JMJD1C: variants seen among roughly 807,000 people sequenced by gnomAD.
JMJD1C encodes the protein jumonji domain-containing protein 1C.
JMJD1C carries 31 observed loss-of-function variants against 245.3 expected under a neutral mutation model. That is an observed-to-expected ratio of 0.13 (90% CI 0.09 to 0.17). The LOEUF is 0.17. Among genes scored for constraint, JMJD1C ranks in the 10% least tolerant of loss-of-function variants. The pLI is 1.00. For synonymous variants in JMJD1C, 1,057 were observed against 1,017.4 expected (o/e 1.04, Z -0.74); for missense variants, 2,691 against 3,000.2 (o/e 0.90, Z 2.41).
chr10:63,220,543 A>G (rs1167852020), intron 3 of JMJD1C, among the ~76,000 whole-genome samples: 1 of 152,218 alleles, frequency 6.6e-6, no homozygotes, highest in Non-Finnish European at 1.5e-5. Context: ...AAGCATCCAG[A>G]CAATTAAAAT....
chr10:63,177,631 A>G, intron 23 of JMJD1C, 86 bp downstream of exon 23: 2 of 1,396,910 alleles, frequency 1.4e-6, no homozygotes, highest in African/African-American at 1.4e-5. Context: ...ATGGTCTTAT[A>G]TTGTTGAATG....
chr10:63,456,003 A>C (rs142492124), intron 1 of JMJD1C, among the ~76,000 whole-genome samples: 148 of 152,208 alleles, frequency 9.7e-4, no homozygotes, highest in Non-Finnish European at 1.6e-3. Context: ...AGTAGTTCAA[A>C]GGGTCTTAAT....
chr10:63,427,816 C>T, intron 1 of JMJD1C: 1 of 1,111,146 alleles, frequency 9.0e-7, no homozygotes, highest in Non-Finnish European at 1.4e-6. Flanking sequence ...ATGCAAGGCC[C>T]CTTCTAAAAC....
chr10:63,342,547 A>C (rs935126734), intron 2 of JMJD1C, among the ~76,000 whole-genome samples: 1 of 152,212 alleles, frequency 6.6e-6, no homozygotes, highest in African/African-American at 2.4e-5. Context: ...GTAACCTTTT[A>C]ATCAAAACAC....
chr10:63,496,402 C>T (rs1398077190), intron 1 of JMJD1C, among the ~76,000 whole-genome samples: 1 of 152,008 alleles, frequency 6.6e-6, no homozygotes, highest in East Asian at 1.9e-4. Context: ...ATAGAAACTA[C>T]CTAGGGGTAG....
chr10:63,287,196 T>C (rs149634123), intron 2 of JMJD1C, among the ~76,000 whole-genome samples: 2 of 152,162 alleles, frequency 1.3e-5, no homozygotes, highest in East Asian at 3.9e-4. Context: ...CAGCTTTTGA[T>C]GCAAAAAAGG....
chr10:63,325,364 A>G (rs893174793), intron 2 of JMJD1C, among the ~76,000 whole-genome samples: 5 of 152,156 alleles, frequency 3.3e-5, no homozygotes, highest in Non-Finnish European at 5.9e-5. Flanking sequence ...TTTTGAGACA[A>G]GAGTTTGGCT....
chr10:63,182,055 T>C (rs762238136), intron 22 of JMJD1C, among the ~76,000 whole-genome samples: 7 of 152,166 alleles, frequency 4.6e-5, no homozygotes, highest in Admixed American at 6.5e-5. Context: ...TATTATAAAA[T>C]TGTCAAATGT....
intron 2 of JMJD1C, among the ~76,000 whole-genome samples, chr10:63,364,061 C>T (rs1279466727): frequency 6.6e-6 from 1 of 152,068 alleles, no homozygotes; most frequent in Non-Finnish European, 1.5e-5. Flanking sequence ...GACTGGGTTT[C>T]ACCATATTAG....
chr10:63,182,167 T>C (rs191998205), intron 22 of JMJD1C, among the ~76,000 whole-genome samples: 11 of 152,348 alleles, frequency 7.2e-5, no homozygotes, highest in Admixed American at 2.0e-4. Flanking sequence ...ATCTATTTCA[T>C]GGCTGGATGT....
At chr10:63,361,719 T>TAAAAAAAAAAA (rs55879769) in intron 2 of JMJD1C, among the ~76,000 whole-genome samples, 26 of 95,546 alleles carry the variant, frequency 2.7e-4, no homozygotes, top group African/African-American at 8.0e-4. Flanking sequence ...CTGTCTCAAC[T>TAAAAAAAAAAA]AAAAAAAAAA....
chr10:63,225,776 T>C (rs1268499363), intron 3 of JMJD1C, among the ~76,000 whole-genome samples: 3 of 143,732 alleles, frequency 2.1e-5, no homozygotes, highest in African/African-American at 7.8e-5. Context: ...CGAGACTGCA[T>C]CTCCAAAAAA....
chr10:63,229,814 G>A (rs546656954), intron 3 of JMJD1C, among the ~76,000 whole-genome samples: 6 of 152,062 alleles, frequency 3.9e-5, no homozygotes, highest in African/African-American at 1.4e-4. Flanking sequence ...CTTTGCATTC[G>A]AGTTTTATTT....
intron 2 of JMJD1C, among the ~76,000 whole-genome samples, chr10:63,290,040 A>G (rs181569000): frequency 9.8e-4 from 149 of 152,238 alleles, no homozygotes; most frequent in Non-Finnish European, 1.5e-3. Context: ...AAGCAATAAT[A>G]AACAGGACAA....
chr10:63,185,780 C>A, intron 19 of JMJD1C, 127 bp from the exon 20 acceptor site: 2 of 640,774 alleles, frequency 3.1e-6, no homozygotes, highest in Non-Finnish European at 5.5e-6. Context: ...TGATTGCTTG[C>A]TTATTGACTT....
At chr10:63,473,693 T>A (rs1436567096) in intron 1 of JMJD1C, among the ~76,000 whole-genome samples, 1 of 152,226 alleles carries the variant, frequency 6.6e-6, no homozygotes, top group African/African-American at 2.4e-5. Context: ...AAATCATTTA[T>A]GTATATCTGG....
rs1043538454 is a variant in JMJD1C at position 63,364,046 on chromosome 10, G to A, written c.333+16272C>T. Among the ~76,000 whole-genome samples, 7 of 151,756 alleles carry A rather than the reference G, an allele frequency of 4.6e-5. No homozygotes were observed. In the East Asian group the frequency reaches 9.7e-4, roughly 21 times the overall value. ...AATTTTTGTATATATTTTTTTTTAC[G>A]TAGAGACTGGGTTTCACCATATTAG... On this transcript the variant is annotated intron_variant, in intron 2 of 25. Transcript: ENST00000399262.
intron 2 of JMJD1C, among the ~76,000 whole-genome samples, chr10:63,372,701 C>G (rs556613527): frequency 5.5e-4 from 83 of 152,234 alleles, no homozygotes; most frequent in African/African-American, 2.0e-3. Context: ...GTGCTAGACT[C>G]CAAGGAACCA....
At chr10:63,399,227 G>A (rs1948702357) in intron 1 of JMJD1C, among the ~76,000 whole-genome samples, 3 of 152,142 alleles carry the variant, frequency 2.0e-5, no homozygotes, top group Admixed American at 2.0e-4. Context: ...TAGCTCCTAA[G>A]TCTTTTAGAT....
Sources: gnomAD v4.1 joint callset for allele counts (sites outside exome capture counted in the v4.1 genomes callset) on GRCh38, gnomAD v4.1.1 for gene constraint, MANE v1.5 for transcripts, NCBI Gene and HGNC (gene_info 2026-07-23, HGNC 2026-07-21) for gene names.